The following CTNNBL1 variants were observed in gnomAD, a reference collection of about 807,000 sequenced individuals.
The protein encoded by CTNNBL1 is beta-catenin-like protein 1.
A neutral mutation model predicts 72.7 loss-of-function variants in CTNNBL1; 31 were observed. The ratio of observed to expected loss-of-function variants is 0.43; its 90% CI spans 0.32 to 0.58. The LOEUF (loss-of-function observed/expected upper bound fraction) is 0.58, where lower values mean the gene tolerates loss of function less well. Ranked by LOEUF, CTNNBL1 falls within the 20% of genes least tolerant of loss-of-function variation. CTNNBL1 has a pLI of 0.08. For missense variants in CTNNBL1, 534 were observed against 725.1 expected (o/e 0.74, Z 3.03); for synonymous variants, 240 against 267.3 (o/e 0.90, Z 1.00).
intron 7 of CTNNBL1, among the ~76,000 whole-genome samples, chr20:37,770,710 T>C (rs1253934662): frequency 6.6e-6 from 1 of 152,214 alleles, no homozygotes; most frequent in Non-Finnish European, 1.5e-5. Context: ...GATGTAATCC[T>C]CGGGGCACAA....
intron 1 of CTNNBL1, among the ~76,000 whole-genome samples, chr20:37,716,499 TC>T (rs34693571): frequency 6.6e-6 from 1 of 152,228 alleles, no homozygotes; most frequent in Non-Finnish European, 1.5e-5. Flanking sequence ...TCATTCACCA[TC>T]CTTGTCTTTA....
At chr20:37,713,814 C>A (rs2072961311) in intron 1 of CTNNBL1, among the ~76,000 whole-genome samples, 1 of 152,126 alleles carries the variant, frequency 6.6e-6, no homozygotes, top group Admixed American at 6.5e-5. Flanking sequence ...TCCCATGAAA[C>A]CAAGCCAAAA....
intron 7 of CTNNBL1, among the ~76,000 whole-genome samples, chr20:37,772,550 G>A (rs185201435): frequency 0.011 from 1,606 of 152,094 alleles, 17 homozygotes; most frequent in Middle Eastern, 0.02. Flanking sequence ...GGGTTTCACC[G>A]TATTAGCCAG....
chr20:37,700,954 T>G (rs1201190242), intron 1 of CTNNBL1, among the ~76,000 whole-genome samples: 2 of 152,168 alleles, frequency 1.3e-5, no homozygotes, highest in Non-Finnish European at 2.9e-5. Context: ...AACTTGCTCC[T>G]TTCCCCCTCC....
chr20:37,788,557 A>G (rs1179180197), intron 10 of CTNNBL1, among the ~76,000 whole-genome samples: 2 of 152,286 alleles, frequency 1.3e-5, no homozygotes, highest in East Asian at 3.9e-4. Context: ...TGTAATCCTG[A>G]TCTTGAGGCT....
intron 1 of CTNNBL1, among the ~76,000 whole-genome samples, chr20:37,728,036 CA>C (rs2073099471): frequency 6.6e-6 from 1 of 152,156 alleles, no homozygotes; most frequent in African/African-American, 2.4e-5. Context: ...TTTTTGCGTC[CA>C]TATTTCACTC....
intron 13 of CTNNBL1, among the ~76,000 whole-genome samples, chr20:37,846,519 T>A (rs1010166026): frequency 6.6e-6 from 1 of 152,168 alleles, no homozygotes; most frequent in Non-Finnish European, 1.5e-5. Context: ...ATGGTGTCGG[T>A]GAATGTATTA....
At chr20:37,741,963 T>C (rs1296409207) in intron 3 of CTNNBL1, among the ~76,000 whole-genome samples, 1 of 152,224 alleles carries the variant, frequency 6.6e-6, no homozygotes, top group African/African-American at 2.4e-5. Flanking sequence ...AAGCACAGTC[T>C]ATTCTACCAT....
intron 15 of CTNNBL1, among the ~76,000 whole-genome samples, chr20:37,864,466 G>A (rs925354618): frequency 2.6e-5 from 4 of 152,116 alleles, no homozygotes; most frequent in African/African-American, 7.2e-5. Flanking sequence ...GACTTTTCCC[G>A]TTATTTTTCA....
At chr20:37,833,204 C>G (rs981863754) in intron 11 of CTNNBL1, among the ~76,000 whole-genome samples, 3 of 152,210 alleles carry the variant, frequency 2.0e-5, no homozygotes, top group Non-Finnish European at 4.4e-5. Context: ...TTCTAGCCCT[C>G]CTTCCAGCTC....
rs560686979 is a variant in CTNNBL1 at position 37,857,528 on chromosome 20, G to T, written c.1393-2371G>T. Reference sequence around the variant, plus strand: ...TAGATTCACTCATTTCCACATCAAAGATAGAGGCCTCATAGGAGCCGAGAT... The same window carrying T: ...TAGATTCACTCATTTCCACATCAAATATAGAGGCCTCATAGGAGCCGAGAT... On this transcript the variant is annotated intron_variant, in intron 13 of 15. Coordinates refer to ENST00000361383, the MANE Select transcript of CTNNBL1 (RefSeq NM_030877.5). 7.2e-5 allele frequency among the ~76,000 whole-genome samples: 11 copies of T among 152,316 alleles called. No homozygotes were observed. In the East Asian group the frequency reaches 2.1e-3, roughly 29 times the overall value.
rs144319989 is a variant in CTNNBL1, at chr20:37,843,846, T to C, written c.1392+1427T>C. On this transcript the variant is annotated intron_variant, in intron 13 of 15. Transcript: ENST00000361383. ...GAGTAAGTCCTCAGAAGTTTGCGGATTGATTGAATTGATTAACTGGGGCTT... is the reference window on the plus strand; with the variant it reads ...GAGTAAGTCCTCAGAAGTTTGCGGACTGATTGAATTGATTAACTGGGGCTT... 2.0e-4 allele frequency among the ~76,000 whole-genome samples: 30 copies of C among 152,296 alleles called. 1 individual carries two copies. The East Asian group carries it at 5.6e-3, about 28-fold the overall frequency.
intron 10 of CTNNBL1, among the ~76,000 whole-genome samples, chr20:37,785,112 C>T (rs2073661047): frequency 6.6e-6 from 1 of 152,154 alleles, no homozygotes; most frequent in Non-Finnish European, 1.5e-5. Context: ...GTAAGGTTTC[C>T]ACTGAGAAGT....
chr20:37,714,712 GGTT>G (rs2072971074), intron 1 of CTNNBL1, among the ~76,000 whole-genome samples: 1 of 152,196 alleles, frequency 6.6e-6, no homozygotes, highest in Non-Finnish European at 1.5e-5. Context: ...AAAAATAAGA[GGTT>G]GTACAGAACA....
At chr20:37,755,963 C>T (rs1323371164) in intron 4 of CTNNBL1, among the ~76,000 whole-genome samples, 1 of 152,184 alleles carries the variant, frequency 6.6e-6, no homozygotes, top group Non-Finnish European at 1.5e-5. Context: ...CAGCTAGTTA[C>T]AATTTTCTCT....
At chr20:37,824,525 G>A (rs1448459000) in intron 11 of CTNNBL1, among the ~76,000 whole-genome samples, 1 of 152,140 alleles carries the variant, frequency 6.6e-6, no homozygotes. Flanking sequence ...AGAACCTACT[G>A]GATTAGTGTA....
chr20:37,820,896 C>T (rs932113691), intron 11 of CTNNBL1, among the ~76,000 whole-genome samples: 6 of 152,172 alleles, frequency 3.9e-5, no homozygotes, highest in African/African-American at 1.2e-4. Flanking sequence ...AATAAGATCA[C>T]GTGATTTTGC....
chr20:37,804,335 C>T (rs1463218674), intron 11 of CTNNBL1, among the ~76,000 whole-genome samples: 2 of 152,146 alleles, frequency 1.3e-5, no homozygotes. Flanking sequence ...AAGCCTGCCA[C>T]TTTCCTGGCC....
chr20:37,825,169 A>G (rs977323437), intron 11 of CTNNBL1, among the ~76,000 whole-genome samples: 14 of 152,052 alleles, frequency 9.2e-5, no homozygotes, highest in Non-Finnish European at 1.9e-4. Flanking sequence ...CCTGGTCAAC[A>G]TGGTGAAACC....
Sources: gnomAD v4.1 joint callset for allele counts (sites outside exome capture counted in the v4.1 genomes callset) on GRCh38, gnomAD v4.1.1 for gene constraint, MANE v1.5 for transcripts, NCBI Gene and HGNC (gene_info 2026-07-23, HGNC 2026-07-21) for gene names.